C11orf65: variants seen among roughly 807,000 people sequenced by gnomAD.
The protein encoded by C11orf65 is protein MFI.
In C11orf65, 38 loss-of-function variants were observed where a neutral mutation model predicts 35.3. That is an observed-to-expected ratio of 1.08 (90% CI 0.83 to 1.41). C11orf65 has a LOEUF of 1.41. Ranked by LOEUF, C11orf65 falls within the 40% of genes most tolerant of loss-of-function variation. C11orf65 has a pLI of 0.00. For synonymous variants in C11orf65, 105 were observed against 114.4 expected (o/e 0.92, Z 0.53); for missense variants, 370 against 367.1 (o/e 1.01, Z -0.06).
intron 2 of C11orf65, among the ~76,000 whole-genome samples, chr11:108,435,256 A>G (rs2093045187): frequency 6.6e-6 from 1 of 152,098 alleles, no homozygotes; most frequent in Non-Finnish European, 1.5e-5. Flanking sequence ...CAAAGTACAT[A>G]CCAATGTTAA....
At chr11:108,427,556 A>G (rs1482870997) in intron 3 of C11orf65, among the ~76,000 whole-genome samples, 1 of 148,116 alleles carries the variant, frequency 6.8e-6, no homozygotes, top group Non-Finnish European at 1.5e-5. Flanking sequence ...CGTCTCTACT[A>G]AAAAAAAATA....
chr11:108,373,221 T>C (rs1039649095), intron 2 of C11orf65, among the ~76,000 whole-genome samples: 2 of 152,210 alleles, frequency 1.3e-5, no homozygotes, highest in Admixed American at 6.5e-5. Context: ...TTATTCCAGA[T>C]TGACTCAATC....
chr11:108,409,648 C>T lies in C11orf65; in HGVS notation c.175-2499G>A, dbSNP rs185246313. On this transcript the variant is annotated intron_variant, in intron 3 of 8. Transcript: ENST00000393084. ...ATACTCTACAGCAGGGGTCCCCAAC[C>T]CCCAGGCCATGGACTGGTACCAGTC... 4.2e-3 allele frequency among the ~76,000 whole-genome samples: 646 copies of T among 152,136 alleles called. 5 individuals are homozygous for T. Among genetic ancestry groups the T allele is most frequent in the Non-Finnish European group, 2.8e-3 (192 of 67,978 alleles).
At chr11:108,368,278 GAC>G (rs1156722104) in intron 2 of C11orf65, 5 of 190,716 alleles carry the variant, frequency 2.6e-5, no homozygotes, top group Non-Finnish European at 5.2e-5. Flanking sequence ...GACAGAGCAA[GAC>G]TCTGCCTCAA....
At chr11:108,452,822 A>G (rs557570721) in intron 2 of C11orf65, among the ~76,000 whole-genome samples, 1 of 152,236 alleles carries the variant, frequency 6.6e-6, no homozygotes, top group African/African-American at 2.4e-5. Flanking sequence ...ATGCAGCCAT[A>G]TAAAAGGATG....
intron 3 of C11orf65, among the ~76,000 whole-genome samples, chr11:108,407,997 TTTATTATTATTATTATTATTA>T (rs140542318): frequency 7.2e-6 from 1 of 139,570 alleles, no homozygotes; most frequent in Admixed American, 7.4e-5. Flanking sequence ...TTAATTTCTT[TTTATTATTATTATTATTATTA>T]TTATTATTAT....
At chr11:108,365,716 A>G (rs773042897) in intron 2 of C11orf65, 1 of 684,096 alleles carries the variant, frequency 1.5e-6, no homozygotes, top group Non-Finnish European at 2.4e-6. Flanking sequence ...CACTCTTTAG[A>G]AATAATGGTC....
intron 2 of C11orf65, chr11:108,366,335 G>A (rs951512501): frequency 4.7e-6 from 1 of 211,268 alleles, no homozygotes; most frequent in African/African-American, 2.3e-5. Flanking sequence ...TTCAGAAATT[G>A]TTTTTCATTT....
In C11orf65 at chr11:108,368,756, A is replaced by G. The variant is rs560517151; in HGVS notation, c.226+24452T>C. ...TTTCCCACCCTACTTTGTGCAGGTC[A>G]TACCTCCCCAAAGTGTTTACCTAAT... On this transcript the variant is annotated intron_variant, in intron 2 of 3. Transcript: ENST00000524755. The G allele has an allele frequency of 1.7e-4, 36 of 212,094 alleles. No homozygotes were observed. The Middle Eastern group carries it at 7.5e-3, about 44-fold the overall frequency. 13.1% of individuals were successfully genotyped at this position (212,094 alleles called of 1,614,324 possible).
In C11orf65 at chr11:108,321,377, C is replaced by A. The variant is rs766706861; in HGVS notation, c.641-12306G>T. 1 of 1,614,178 alleles carries A rather than the reference C, an allele frequency of 6.2e-7. No individual in the cohort carries two copies. The highest frequency in any genetic ancestry group is 8.5e-7 in the Non-Finnish European group (1 of 1,180,030). On this transcript the variant is annotated intron_variant, in intron 6 of 6. Coordinates refer to the C11orf65 transcript ENST00000525729. The stretch of plus-strand genomic sequence containing the variant: ...GCTCTATCCCACACTTAGCAGGTTG[C>A]AGGCCATTGGAGAGCTGGAAAGCAT...
chr11:108,334,851 C>T, intron 3 of C11orf65: 1 of 1,249,564 alleles, frequency 8.0e-7, no homozygotes. Context: ...TTCTTAACCA[C>T]TATCACATCG....
chr11:108,432,578 C>T (rs10890838), intron 2 of C11orf65, among the ~76,000 whole-genome samples: 26,495 of 152,034 alleles, frequency 0.17, 2,592 homozygotes, highest in African/African-American at 0.24. Flanking sequence ...CCCCTCAAGC[C>T]CCATCTCCCT....
intron 7 of C11orf65, among the ~76,000 whole-genome samples, chr11:108,390,086 C>G (rs566334203): frequency 6.6e-6 from 1 of 151,862 alleles, no homozygotes; most frequent in Non-Finnish European, 1.5e-5. Flanking sequence ...TGCAGTGGCG[C>G]GATGTCAGCT....
chr11:108,371,004 G>A (rs571198293), intron 2 of C11orf65, among the ~76,000 whole-genome samples: 7 of 152,122 alleles, frequency 4.6e-5, no homozygotes, highest in Non-Finnish European at 7.4e-5. Context: ...ATAATTCTCC[G>A]GTGAGAATTA....
chr11:108,409,303 G>T (rs1304997445), intron 3 of C11orf65, among the ~76,000 whole-genome samples: 2 of 151,998 alleles, frequency 1.3e-5, no homozygotes, highest in East Asian at 3.9e-4. Flanking sequence ...CTCATTCTGT[G>T]AACATTCATT....
At chr11:108,315,539 A>G (rs1384033240) in intron 6 of C11orf65, among the ~76,000 whole-genome samples, 3 of 152,284 alleles carry the variant, frequency 2.0e-5, no homozygotes, top group African/African-American at 7.2e-5. Context: ...CAGTAGTTCT[A>G]AACTGTGTGG....
chr11:108,406,937 A>G lies in C11orf65; in HGVS notation c.255T>C (p.Tyr85=), dbSNP rs371625506. The G allele has an allele frequency of 2.5e-6, 4 of 1,611,654 alleles. No individual in the cohort carries two copies. Among genetic ancestry groups the G allele is most frequent in the Non-Finnish European group, 3.4e-6 (4 of 1,178,006 alleles). Residue 85 remains tyrosine, a synonymous_variant, in exon 5 of 9, where the codon TAT becomes TAC. Coordinates refer to ENST00000393084, the MANE Select transcript of C11orf65 (RefSeq NM_152587.5). ...GGVKFPPDIY[Y]KIFTHRPIED... ...CAATAGGTCTGTGAGTAAAAATCTT[A>G]TAGTATATATCAGGTGGAAATTTAA...
intron 7 of C11orf65, 41 bp from the exon 8 acceptor site, chr11:108,386,016 C>T (rs1208444063): frequency 6.6e-7 from 1 of 1,507,398 alleles, no homozygotes; most frequent in Non-Finnish European, 9.2e-7. Context: ...TTAATCGATT[C>T]ATTAGTACAT....
At chr11:108,411,142 CTACTT>C (rs1272034122) in intron 3 of C11orf65, among the ~76,000 whole-genome samples, 1 of 152,060 alleles carries the variant, frequency 6.6e-6, no homozygotes, top group Non-Finnish European at 1.5e-5. Context: ...TGTCTGAGCT[CTACTT>C]TAGATACATT....
Sources: gnomAD v4.1 joint callset for allele counts (sites outside exome capture counted in the v4.1 genomes callset) on GRCh38, gnomAD v4.1.1 for gene constraint, MANE v1.5 for transcripts, NCBI Gene and HGNC (gene_info 2026-07-23, HGNC 2026-07-21) for gene names.